DCC: variants seen among roughly 807,000 people sequenced by gnomAD.
The protein encoded by DCC is DCC netrin 1 receptor.
Under a neutral mutation model 172.5 loss-of-function variants are expected in DCC, and 58 were observed. That is an observed-to-expected ratio of 0.34 (90% CI 0.27 to 0.42). The LOEUF (loss-of-function observed/expected upper bound fraction) is 0.42, where lower values mean the gene tolerates loss of function less well. Ranked by LOEUF, DCC falls within the 10% of genes least tolerant of loss-of-function variation. The probability of loss-of-function intolerance (pLI) is 1.00; values close to 1 mark genes in which losing one functional copy is unlikely to be tolerated. For missense variants in DCC, 1,740 were observed against 1,791.0 expected, an observed-to-expected ratio of 0.97 and a Z score of 0.51; for synonymous variants, 709 against 644.5, an observed-to-expected ratio of 1.10 and a Z score of -1.52.
intron 12 of DCC, among the ~76,000 whole-genome samples, chr18:53,257,015 T>C (rs2144671678): frequency 6.6e-6 from 1 of 152,310 alleles, no homozygotes; most frequent in East Asian, 1.9e-4. Flanking sequence ...TCTCTGTTTG[T>C]CTGTTATTGG....
intron 1 of DCC, among the ~76,000 whole-genome samples, chr18:52,413,372 A>G (rs942840471): frequency 1.3e-5 from 2 of 151,754 alleles, no homozygotes; most frequent in Non-Finnish European, 2.9e-5. Context: ...TGATTCATAT[A>G]TTAGTAAAAA....
chr18:52,503,479 G>A (rs577208162), intron 1 of DCC, among the ~76,000 whole-genome samples: 19 of 152,174 alleles, frequency 1.2e-4, no homozygotes, highest in East Asian at 3.9e-4. Context: ...ATAAGTATAC[G>A]TTTACCTATG....
At chr18:53,130,084 A>G (rs886379474) in intron 7 of DCC, among the ~76,000 whole-genome samples, 1 of 152,002 alleles carries the variant, frequency 6.6e-6, no homozygotes, top group Non-Finnish European at 1.5e-5. Context: ...GTTCCTTTTT[A>G]CTTTTTGCTT....
intron 15 of DCC, among the ~76,000 whole-genome samples, chr18:53,348,449 G>A (rs1480051289): frequency 2.0e-5 from 3 of 152,184 alleles, no homozygotes; most frequent in South Asian, 2.1e-4. Flanking sequence ...TTATAGGCTG[G>A]CATTGAGTGT....
At chr18:53,351,470 A>ATATATATATACACAGTG (rs1568075553) in intron 15 of DCC, among the ~76,000 whole-genome samples, 36 of 35,250 alleles carry the variant, frequency 1.0e-3, no homozygotes, top group Non-Finnish European at 1.6e-3. Context: ...CAGTGTGTAT[A>ATATATATATACACAGTG]TATATATATA....
At chr18:52,814,777 A>G (rs1414176093) in intron 2 of DCC, among the ~76,000 whole-genome samples, 1 of 152,172 alleles carries the variant, frequency 6.6e-6, no homozygotes, top group Non-Finnish European at 1.5e-5. Context: ...TTTTTCAGCA[A>G]GTAATAAAAT....
intron 2 of DCC, among the ~76,000 whole-genome samples, chr18:52,865,182 T>C (rs1046410990): frequency 6.6e-6 from 1 of 152,290 alleles, no homozygotes; most frequent in Non-Finnish European, 1.5e-5. Context: ...CCCTTTCTTA[T>C]GGCTGTATAG....
At chr18:52,642,605 G>A (rs1170368507) in intron 1 of DCC, among the ~76,000 whole-genome samples, 1 of 151,350 alleles carries the variant, frequency 6.6e-6, no homozygotes, top group African/African-American at 2.4e-5. Context: ...TGCTCATGAT[G>A]TTCTTAATAT....
At chr18:52,889,551 G>A (rs1272268889) in intron 2 of DCC, among the ~76,000 whole-genome samples, 1 of 152,098 alleles carries the variant, frequency 6.6e-6, no homozygotes, top group South Asian at 2.1e-4. Flanking sequence ...GTAAAGCAGG[G>A]ATTGAGAAGT....
At chr18:52,773,518 C>A (rs199733219) in intron 2 of DCC, among the ~76,000 whole-genome samples, 1 of 37,924 alleles carries the variant, frequency 2.6e-5, no homozygotes, top group Non-Finnish European at 1.3e-4. Context: ...CTATATCTAT[C>A]TATTTATCTA....
intron 2 of DCC, among the ~76,000 whole-genome samples, chr18:52,878,817 T>C (rs1227185404): frequency 1.3e-5 from 2 of 152,214 alleles, no homozygotes; most frequent in African/African-American, 2.4e-5. Flanking sequence ...CTGGGATATC[T>C]GAAGGTATTT....
intron 1 of DCC, among the ~76,000 whole-genome samples, chr18:52,653,769 C>A (rs11082932): frequency 0.62 from 94,350 of 151,982 alleles, 29,821 homozygotes; most frequent in Non-Finnish European, 0.69. Flanking sequence ...TCTTATTAGA[C>A]AAAGGGTGCT....
intron 7 of DCC, among the ~76,000 whole-genome samples, chr18:53,088,768 G>T (rs903107893): frequency 1.3e-5 from 2 of 152,114 alleles, no homozygotes; most frequent in Admixed American, 6.5e-5. Flanking sequence ...TCTCCATAAT[G>T]ATGCCCTTTT....
rs995740183 is a variant in DCC at position 52,791,221 on chromosome 18, A to G, written c.412+38847A>G. ...CTAAAAGAGCCGGGCTGATTTTGCAATGCTTGCAAAGGTCTAGCAAAAAGG... is the reference window on the plus strand; with the variant it reads ...CTAAAAGAGCCGGGCTGATTTTGCAGTGCTTGCAAAGGTCTAGCAAAAAGG... On this transcript the variant is annotated intron_variant, in intron 2 of 28. Transcript: ENST00000442544. Among the ~76,000 whole-genome samples, 7 of 152,278 alleles carry G rather than the reference A, an allele frequency of 4.6e-5. No homozygotes were observed. The East Asian group carries it at 1.2e-3, about 25-fold the overall frequency.
intron 9 of DCC, among the ~76,000 whole-genome samples, chr18:53,203,240 T>C (rs967435145): frequency 2.6e-5 from 4 of 151,602 alleles, no homozygotes; most frequent in South Asian, 2.1e-4. Flanking sequence ...TGTGTGCGTG[T>C]GTGTGTGTAT....
intron 1 of DCC, among the ~76,000 whole-genome samples, chr18:52,532,251 G>T (rs1278242676): frequency 6.6e-6 from 1 of 152,076 alleles, no homozygotes; most frequent in Non-Finnish European, 1.5e-5. Context: ...AAGCATCCTA[G>T]GCATATACAT....
intron 8 of DCC, among the ~76,000 whole-genome samples, chr18:53,169,597 CATCTGGTGTTACAG>C: frequency 6.6e-6 from 1 of 152,106 alleles, no homozygotes; most frequent in South Asian, 2.1e-4. Flanking sequence ...TCTGACAATC[CATCTGGTGTTACAG>C]ATCATGACTC....
At chr18:52,858,968 C>A (rs2039093517) in intron 2 of DCC, among the ~76,000 whole-genome samples, 1 of 152,068 alleles carries the variant, frequency 6.6e-6, no homozygotes, top group Non-Finnish European at 1.5e-5. Context: ...CCATGACAAA[C>A]CAGTAAAATA....
intron 22 of DCC, among the ~76,000 whole-genome samples, chr18:53,438,379 G>T (rs1438605226): frequency 6.6e-6 from 1 of 152,166 alleles, no homozygotes; most frequent in Non-Finnish European, 1.5e-5. Flanking sequence ...TAAACTGCAT[G>T]TCCAAAAGGA....
Sources: allele counts gnomAD v4.1 joint callset (sites outside exome capture counted in the v4.1 genomes callset), GRCh38; gene constraint gnomAD v4.1.1; transcripts MANE v1.5; gene names NCBI Gene and HGNC (gene_info 2026-07-23, HGNC 2026-07-21).